LYSMD1: variants seen among roughly 807,000 people sequenced by gnomAD.
The protein encoded by LYSMD1 is LysM domain containing 1.
In LYSMD1, 9 loss-of-function variants were observed where a neutral mutation model predicts 19.3. The ratio of observed to expected loss-of-function variants is 0.47; its 90% CI spans 0.28 to 0.81. The LOEUF (loss-of-function observed/expected upper bound fraction) is 0.81, where lower values mean the gene tolerates loss of function less well. Among genes scored for constraint, LYSMD1 ranks in the 40% least tolerant of loss-of-function variants. The pLI is 0.11. For synonymous variants in LYSMD1, 111 were observed against 111.7 expected, an observed-to-expected ratio of 0.99 and a Z score of 0.04; for missense variants, 262 against 279.8, an observed-to-expected ratio of 0.94 and a Z score of 0.45.
the LYSMD1 span, among the ~76,000 whole-genome samples, chr1:151,153,290 G>C: frequency 6.6e-6 from 1 of 152,158 alleles, no homozygotes; most frequent in Non-Finnish European, 1.5e-5. Flanking sequence ...GAGTCCAGGA[G>C]TCCAAGGCTG....
intron 1 of LYSMD1, among the ~76,000 whole-genome samples, chr1:151,163,544 T>C (rs1683532258): frequency 6.6e-6 from 1 of 152,188 alleles, no homozygotes; most frequent in Admixed American, 6.5e-5. Context: ...CTTTCTTTTT[T>C]TGGAGACAAG....
chr1:151,163,498 A>G (rs1301216301), intron 1 of LYSMD1, among the ~76,000 whole-genome samples: 1 of 152,010 alleles, frequency 6.6e-6, no homozygotes, highest in Non-Finnish European at 1.5e-5. Flanking sequence ...TATAGAAACT[A>G]CAGATATAGT....
chr1:151,165,793 A>C lies in LYSMD1; in HGVS notation c.-535T>G. ...AGGTCCGCTCCGCATAAGATAGGTCACACCCTCAAATTTCGGCTCCACATC... is the reference window on the plus strand; with the variant it reads ...AGGTCCGCTCCGCATAAGATAGGTCCCACCCTCAAATTTCGGCTCCACATC... On this transcript the variant is annotated 5_prime_UTR_variant, in exon 1 of 3. An upstream open reading frame in the 5' UTR loses its in-frame stop. Transcript: ENST00000368908. The C allele has an allele frequency of 1.9e-6, 3 of 1,550,192 alleles. No homozygotes were observed. Among genetic ancestry groups the C allele is most frequent in the Non-Finnish European group, 2.6e-6 (3 of 1,145,574 alleles).
the LYSMD1 span, among the ~76,000 whole-genome samples, chr1:151,154,038 A>G: frequency 1.3e-5 from 2 of 152,000 alleles, no homozygotes; most frequent in East Asian, 3.9e-4. Context: ...TGTGACTCCT[A>G]TGTTACTACC....
chr1:151,148,841 G>A, the LYSMD1 span, among the ~76,000 whole-genome samples: 1 of 152,166 alleles, frequency 6.6e-6, no homozygotes, highest in East Asian at 1.9e-4. Flanking sequence ...AGGGAAAAGG[G>A]GAAGACAAAT....
Position 151,160,762 on chromosome 1 carries a change from G to C in LYSMD1, c.*120C>G, listed in dbSNP as rs1346839909. The C allele has an allele frequency of 7.9e-7, 1 of 1,272,924 alleles. No individual in the cohort carries two copies. The highest frequency in any genetic ancestry group is 1.1e-6 in the Non-Finnish European group (1 of 920,602). 78.9% of individuals were successfully genotyped at this position (1,272,924 alleles called of 1,614,324 possible). A position where few individuals can be genotyped will look rare whatever the true frequency, so the allele number is the denominator to read the frequency against. Reference sequence around the variant, plus strand: ...TTTTGGCAGACAAGGAGGCTGGGGAGGATGGCTGGAGTGGAGGGAGGCAGG... The same window carrying C: ...TTTTGGCAGACAAGGAGGCTGGGGACGATGGCTGGAGTGGAGGGAGGCAGG... On this transcript the variant is annotated 3_prime_UTR_variant, in exon 3 of 3. Transcript: ENST00000368908.
chr1:151,165,276 A>C lies in LYSMD1; in HGVS notation c.-18T>G. 5 of 1,606,640 alleles carry C rather than the reference A, an allele frequency of 3.1e-6. No homozygotes were observed. The highest frequency in any genetic ancestry group is 4.3e-6 in the Non-Finnish European group (5 of 1,175,490). ...GAAGCCATCTCTTCACCCTGCCAACAGCTAAGGTTGCAACTAGGGGAGGTA... is the reference window on the plus strand; with the variant it reads ...GAAGCCATCTCTTCACCCTGCCAACCGCTAAGGTTGCAACTAGGGGAGGTA... On this transcript the variant is annotated 5_prime_UTR_variant, in exon 1 of 3. Coordinates refer to ENST00000368908, the MANE Select transcript of LYSMD1 (RefSeq NM_212551.5).
chr1:151,162,037 G>C lies in LYSMD1; in HGVS notation c.244C>G (p.Leu82Val). The C allele has an allele frequency of 6.2e-7, 1 of 1,613,112 alleles. No individual in the cohort carries two copies. The highest frequency in any genetic ancestry group is 8.5e-7 in the Non-Finnish European group (1 of 1,179,788). The part of the protein sequence containing the change: ...TNDSIFLKKT[L>V]YIPILTEPRD... ...GGCTCTGTCAGGATGGGGATGTAGAGGGTTTTCTTCAGGAAGATGGAGTCA... is the reference window on the plus strand; with the variant it reads ...GGCTCTGTCAGGATGGGGATGTAGACGGTTTTCTTCAGGAAGATGGAGTCA... The change falls in exon 2 of 3, where the codon CTC becomes GTC. Residue 82 changes from leucine (L) to valine (V), a missense_variant. Physicochemically the swap from Leu to Val is conservative, Grantham distance 32. Transcript: ENST00000368908.
chr1:151,165,891 C>A lies in LYSMD1; in HGVS notation c.-633G>T. The A allele has an allele frequency of 9.9e-7, 1 of 1,014,556 alleles. No homozygotes were observed. Among genetic ancestry groups the A allele is most frequent in the Non-Finnish European group, 1.5e-6 (1 of 663,558 alleles). 62.8% of individuals were successfully genotyped at this position (1,014,556 alleles called of 1,614,324 possible). A position where few individuals can be genotyped will look rare whatever the true frequency, so the allele number is the denominator to read the frequency against. On this transcript the variant is annotated 5_prime_UTR_variant, in exon 1 of 3. Coordinates refer to ENST00000368908, the MANE Select transcript of LYSMD1 (RefSeq NM_212551.5). The stretch of plus-strand genomic sequence containing the variant: ...CCTGGATCCAGTTGAGCGGCAAGGT[C>A]TTTGAGAAAAGACTTCATTTCCCAA...
downstream of LYSMD1, among the ~76,000 whole-genome samples, chr1:151,158,284 C>T (rs1237691884): frequency 1.3e-5 from 2 of 150,002 alleles, no homozygotes; most frequent in African/African-American, 4.9e-5. Context: ...GATCACACCA[C>T]TGCACTCCAG....
At position 151,165,235 on chromosome 1, in the gene LYSMD1, G is replaced by A. The variant is rs775743298; in HGVS notation, c.24C>T (p.Pro8=). The change falls in exon 1 of 3, where the codon CCC becomes CCT. Residue 8 remains proline, a synonymous_variant. Coordinates refer to ENST00000368908, the MANE Select transcript of LYSMD1 (RefSeq NM_212551.5). ...GAAGCAGTCCTGACCCCCCTGGCGGGGGCTGTCTAGACGGGGAAGCCATCT... is the reference window on the plus strand; with the variant it reads ...GAAGCAGTCCTGACCCCCCTGGCGGAGGCTGTCTAGACGGGGAAGCCATCT... MASPSRQ[P]PPGGSGLLQG... 12 of 1,613,802 alleles carry A rather than the reference G, an allele frequency of 7.4e-6. No homozygotes were observed. The South Asian group carries it at 1.1e-4, about 15-fold the overall frequency.
chr1:151,165,623 C>G lies in LYSMD1; in HGVS notation c.-365G>C. 1 of 1,536,956 alleles carries G rather than the reference C, an allele frequency of 6.5e-7. No homozygotes were observed. The highest frequency in any genetic ancestry group is 2.0e-5 in the Admixed American group (1 of 50,102). On this transcript the variant is annotated 5_prime_UTR_variant, in exon 1 of 3. Transcript: ENST00000368908. The stretch of plus-strand genomic sequence containing the variant: ...CCAAGTAGCCTGGCCTCAGGGCGCT[C>G]CAACATCCCAGCTCTCCCCGGTCCC...
At position 151,161,789 on chromosome 1, in the gene LYSMD1, C is replaced by G; in HGVS notation, c.492G>C (p.Gln164His). The stretch of plus-strand genomic sequence containing the variant: ...CAGCAGCCTTCTTGGACAGGCTGAT[C>G]TGTGAATCAAGCTTCTTAAGGAAAT... ...ASDFLKKLDS[Q>H]ISLSKKAAAQ... Residue 164 changes from glutamine (Q) to histidine (H), a missense_variant, in exon 2 of 3, where the codon CAG becomes CAC. Gln to His is a conservative substitution (Grantham distance 24). Coordinates refer to ENST00000368908, the MANE Select transcript of LYSMD1 (RefSeq NM_212551.5). The G allele has an allele frequency of 6.2e-7, 1 of 1,612,918 alleles. No homozygotes were observed. Among genetic ancestry groups the G allele is most frequent in the Non-Finnish European group, 8.5e-7 (1 of 1,179,722 alleles).
chr1:151,151,891 T>G, the LYSMD1 span, among the ~76,000 whole-genome samples: 2 of 149,352 alleles, frequency 1.3e-5, no homozygotes, highest in Non-Finnish European at 3.0e-5. Flanking sequence ...ATCGCGCCAT[T>G]GCACTCTGGC....
In LYSMD1 at chr1:151,161,932, A is replaced by C; in HGVS notation, c.349T>G (p.Trp117Gly). Residue 117 changes from tryptophan to glycine, a missense_variant, in exon 2 of 3, where the codon TGG becomes GGG. By Grantham distance (184) the Trp-to-Gly change is radical. Transcript: ENST00000368908. ...TTCTTCCTCTCAGTTGAGTGTGGCCAAACTTCACTGTTACTTGGGTGTACT... is the reference window on the plus strand; with the variant it reads ...TTCTTCCTCTCAGTTGAGTGTGGCCCAACTTCACTGTTACTTGGGTGTACT... ...EKVHPSNSEV[W>G]PHSTERKKQE... 1 of 1,614,104 alleles carries C rather than the reference A, an allele frequency of 6.2e-7. No homozygotes were observed. Among genetic ancestry groups the C allele is most frequent in the Non-Finnish European group, 8.5e-7 (1 of 1,180,016 alleles).
downstream of LYSMD1, chr1:151,158,735 C>A (rs747942353): frequency 8.7e-6 from 14 of 1,611,326 alleles, no homozygotes; most frequent in Admixed American, 1.8e-4. Context: ...GCACTGCAAG[C>A]AGAGAAGAAG....
At chr1:151,149,109 G>T in the LYSMD1 span, among the ~76,000 whole-genome samples, 17 of 152,290 alleles carry the variant, frequency 1.1e-4, no homozygotes, top group African/African-American at 4.1e-4. Flanking sequence ...TGACTCTCTT[G>T]GCTGGGCGAG....
At chr1:151,156,990 G>C (rs773788930), downstream of LYSMD1, among the ~76,000 whole-genome samples, 8 of 152,110 alleles carry the variant, frequency 5.3e-5, no homozygotes, top group Non-Finnish European at 1.2e-4. Context: ...TAGGAAACAA[G>C]GAGATAGATG....
chr1:151,165,551 C>A lies in LYSMD1; in HGVS notation c.-293G>T. The A allele has an allele frequency of 6.8e-7, 1 of 1,462,716 alleles. No individual in the cohort carries two copies. Among genetic ancestry groups the A allele is most frequent in the East Asian group, 2.5e-5 (1 of 40,430 alleles). 90.6% of individuals were successfully genotyped at this position (1,462,716 alleles called of 1,614,324 possible). ...ACTCCTCGCTACATTGACCTCTGAC[C>A]TTTGAACTCTAGAAATAATCCTCAA... On this transcript the variant is annotated 5_prime_UTR_variant, in exon 1 of 3. The change creates a new upstream start codon in the 5' untranslated region. Coordinates refer to ENST00000368908, the MANE Select transcript of LYSMD1 (RefSeq NM_212551.5).
Sources: gnomAD v4.1 joint callset for allele counts (sites outside exome capture counted in the v4.1 genomes callset) on GRCh38, gnomAD v4.1.1 for gene constraint, MANE v1.5 for transcripts, NCBI Gene and HGNC (gene_info 2026-07-23, HGNC 2026-07-21) for gene names.